SVEP1: variants seen among roughly 807,000 people sequenced by gnomAD.
SVEP1 encodes sushi, von Willebrand factor type A, EGF and pentraxin domain containing 1.
SVEP1 carries 164 observed loss-of-function variants against 367.3 expected under a neutral mutation model. The observed-to-expected ratio is 0.45, with a 90% CI of 0.39 to 0.51. The LOEUF is 0.51. Ranked by LOEUF, SVEP1 falls within the 20% of genes least tolerant of loss-of-function variation. The pLI, the probability that SVEP1 is intolerant of heterozygous loss-of-function variation, is 0.00. For synonymous variants in SVEP1, 1,666 were observed against 1,611.6 expected (o/e 1.03, Z -0.81); for missense variants, 4,117 against 4,425.3 (o/e 0.93, Z 1.98).
intron 21 of SVEP1, among the ~76,000 whole-genome samples, chr9:110,456,362 T>C (rs993905843): frequency 3.3e-5 from 5 of 152,202 alleles, no homozygotes; most frequent in African/African-American, 7.2e-5. Context: ...CTGTCCTATA[T>C]TATACCCTTT....
chr9:110,536,681 A>C (rs1830083715), intron 3 of SVEP1, among the ~76,000 whole-genome samples: 1 of 151,922 alleles, frequency 6.6e-6, no homozygotes, highest in East Asian at 1.9e-4. Context: ...AATAATAAGC[A>C]GGGTCTTTAA....
At chr9:110,566,312 A>G (rs1202361175) in intron 1 of SVEP1, among the ~76,000 whole-genome samples, 1 of 150,244 alleles carries the variant, frequency 6.7e-6, no homozygotes, top group Non-Finnish European at 1.5e-5. Flanking sequence ...ACAGAGCAAG[A>G]TCCTGTCTCC....
chr9:110,530,599 T>C (rs557063984), intron 3 of SVEP1, among the ~76,000 whole-genome samples: 3 of 152,258 alleles, frequency 2.0e-5, no homozygotes, highest in South Asian at 4.1e-4. Context: ...TGCAGTGATA[T>C]GGTCTTGGCT....
chr9:110,452,633 G>A (rs546825580), intron 22 of SVEP1, among the ~76,000 whole-genome samples: 1 of 152,348 alleles, frequency 6.6e-6, no homozygotes, highest in South Asian at 2.1e-4. Flanking sequence ...GGACCTCTTA[G>A]AATATAAGCT....
intron 37 of SVEP1, 93 bp from the exon 38 acceptor site, chr9:110,409,044 T>G: frequency 6.7e-6 from 9 of 1,349,020 alleles, no homozygotes; most frequent in Non-Finnish European, 6.0e-6. Context: ...CTAAAAGGTC[T>G]ATGTTAAAAT....
intron 1 of SVEP1, among the ~76,000 whole-genome samples, chr9:110,555,835 C>T (rs546021187): frequency 3.3e-5 from 5 of 152,258 alleles, no homozygotes; most frequent in African/African-American, 4.8e-5. Flanking sequence ...CTTTGTGCTT[C>T]ATCGTACTTG....
At chr9:110,530,760 C>T (rs1448407352) in intron 3 of SVEP1, among the ~76,000 whole-genome samples, 1 of 152,092 alleles carries the variant, frequency 6.6e-6, no homozygotes, top group Non-Finnish European at 1.5e-5. Flanking sequence ...TGGTCTCAAA[C>T]TCCTAGGCTC....
chr9:110,429,224 T>C lies in SVEP1; in HGVS notation c.5726A>G (p.Glu1909Gly). 1 of 1,596,022 alleles carries C rather than the reference T, an allele frequency of 6.3e-7. No homozygotes were observed. Among genetic ancestry groups the C allele is most frequent in the South Asian group, 1.1e-5 (1 of 88,158 alleles). ...AATATATTTTCCATTATTTATATTTTCCGGACTAGAACACTTCACTGGTTC... is the reference window on the plus strand; with the variant it reads ...AATATATTTTCCATTATTTATATTTCCCGGACTAGAACACTTCACTGGTTC... ...VCEPVKCSSPENINNGKYILS... is the reference protein window; with the variant it reads ...VCEPVKCSSPGNINNGKYILS... Residue 1909 changes from glutamate (E) to glycine (G), a missense_variant, in exon 35 of 48, where the codon GAA becomes GGA. Physicochemically the swap from Glu to Gly is moderately conservative, Grantham distance 98 (BLOSUM62 -2). Coordinates refer to ENST00000374469, the MANE Select transcript of SVEP1 (RefSeq NM_153366.4).
Position 110,407,829 on chromosome 9 carries a change from G to T in SVEP1, c.7771C>A (p.His2591Asn). 6.2e-7 allele frequency: 1 copy of T among 1,613,970 alleles called. No homozygotes were observed. Among genetic ancestry groups the T allele is most frequent in the Non-Finnish European group, 8.5e-7 (1 of 1,179,888 alleles). The change falls in exon 38 of 48, where the codon CAT (histidine) becomes AAT (asparagine). Residue 2591 changes from histidine to asparagine, a missense_variant. His to Asn is a moderately conservative substitution (Grantham distance 68, BLOSUM62 1). Around this residue, in one of 4 missense-constraint regions of SVEP1, gnomAD observed 1,765 missense variants for 1,781.1 expected, o/e 0.99. Transcript: ENST00000374469. ...GACTCTTCACAGGTCTGCATGGCAT[G>T]ACCAGCCACCTGAAACCCAGGGAAG... ...SCFPGFQVAG[H>N]AMQTCEESGW...
At chr9:110,564,449 C>G (rs1830465982) in intron 1 of SVEP1, among the ~76,000 whole-genome samples, 2 of 152,182 alleles carry the variant, frequency 1.3e-5, no homozygotes, top group Admixed American at 6.5e-5. Flanking sequence ...CAAGCCAACT[C>G]TGGAACGCTT....
chr9:110,498,602 C>A (rs1457091984), intron 7 of SVEP1, among the ~76,000 whole-genome samples: 1 of 152,196 alleles, frequency 6.6e-6, no homozygotes, highest in Non-Finnish European at 1.5e-5. Flanking sequence ...TCTAAGAACT[C>A]TTTTCTGTTT....
At chr9:110,394,648 A>C (rs950768162) in intron 40 of SVEP1, among the ~76,000 whole-genome samples, 2 of 152,218 alleles carry the variant, frequency 1.3e-5, no homozygotes, top group African/African-American at 4.8e-5. Flanking sequence ...AATGCAGAGA[A>C]GTCCTTAAAG....
In SVEP1 at chr9:110,450,234, C is replaced by T. The variant is rs553826491; in HGVS notation, c.3928G>A (p.Glu1310Lys). The change falls in exon 24 of 48, where the codon GAA becomes AAA. Residue 1310 changes from glutamate (E) to lysine (K), a missense_variant. Physicochemically the swap from Glu to Lys is moderately conservative, Grantham distance 56 (BLOSUM62 1). Transcript: ENST00000374469. The stretch of plus-strand genomic sequence containing the variant: ...TTTAAGCATGGGTTTGACTGGCATT[C>T]ATTGACTTCTGTTTCACAATGCAGG... The part of the protein sequence containing the change: ...VGLHCETEVN[E>K]CQSNPCLNNA... 3 of 1,613,814 alleles carry T rather than the reference C, an allele frequency of 1.9e-6. No homozygotes were observed. In the African/African-American group the frequency reaches 4.0e-5, roughly 22 times the overall value.
chr9:110,467,878 T>A (rs1287975829), intron 17 of SVEP1, among the ~76,000 whole-genome samples: 1 of 152,108 alleles, frequency 6.6e-6, no homozygotes, highest in Non-Finnish European at 1.5e-5. Flanking sequence ...TCAAACAAAC[T>A]GCCTGCCTCA....
chr9:110,576,426 A>G (rs1157717046), intron 1 of SVEP1, among the ~76,000 whole-genome samples: 3 of 152,224 alleles, frequency 2.0e-5, no homozygotes, highest in Non-Finnish European at 4.4e-5. Context: ...TTTAGGCATA[A>G]TATATGTATG....
chr9:110,475,113 T>G (rs954554964), intron 14 of SVEP1, among the ~76,000 whole-genome samples: 6 of 152,012 alleles, frequency 3.9e-5, no homozygotes, highest in Non-Finnish European at 7.4e-5. Context: ...CATTTTTTGT[T>G]TTTAAGCATT....
intron 8 of SVEP1, among the ~76,000 whole-genome samples, chr9:110,494,129 C>A (rs554779571): frequency 6.6e-6 from 1 of 152,348 alleles, no homozygotes; most frequent in South Asian, 2.1e-4. Flanking sequence ...TTACTTTCAT[C>A]ACATCTACAA....
intron 34 of SVEP1, 136 bp from the exon 35 acceptor site, chr9:110,429,470 CT>C (rs1828315876): frequency 1.7e-6 from 1 of 596,522 alleles, no homozygotes; most frequent in East Asian, 3.1e-5. Context: ...TGAAATAATG[CT>C]TTTAAATTAA....
rs745437933 is a variant in SVEP1 at position 110,448,144 on chromosome 9, T to TGC, written c.4104-1088_4104-1087insGC. Among the ~76,000 whole-genome samples, 22 of 79,810 alleles carry TGC rather than the reference T, an allele frequency of 2.8e-4. No individual in the cohort carries two copies. The East Asian group carries it at 0.011, about 40-fold the overall frequency. 52.4% of individuals were successfully genotyped at this position (79,810 alleles called of 152,430 possible). A position where few individuals can be genotyped will look rare whatever the true frequency, so the allele number is the denominator to read the frequency against. ...AAGAAAGTGAATGTGTGTGTGTGTG[T>TGC]GTGTGCGCGTGTGTGTGTGCGCGCG... is the stretch of plus-strand genomic sequence containing the variant. On this transcript the variant is annotated intron_variant, in intron 24 of 47. Coordinates refer to ENST00000374469, the MANE Select transcript of SVEP1 (RefSeq NM_153366.4).
Sources: gnomAD v4.1 joint callset for allele counts (sites outside exome capture counted in the v4.1 genomes callset) on GRCh38, gnomAD v4.1.1 for gene constraint, gnomAD v4.1.1 regional missense constraint, MANE v1.5 for transcripts, NCBI Gene and HGNC (gene_info 2026-07-23, HGNC 2026-07-21) for gene names.